Variants in CTNNA3 observed in about 807,000 individuals in gnomAD.
CTNNA3 encodes the protein catenin alpha-3.
In CTNNA3, 76 loss-of-function variants were observed where a neutral mutation model predicts 95.7. That is an observed-to-expected ratio of 0.79 (90% CI 0.66 to 0.96). The LOEUF (loss-of-function observed/expected upper bound fraction) is 0.96, where lower values mean the gene tolerates loss of function less well. CTNNA3 is among the 40% of genes least tolerant of loss of function. The pLI, the probability that CTNNA3 is intolerant of heterozygous loss-of-function variation, is 0.00. For missense variants in CTNNA3, 1,191 were observed against 1,089.8 expected (o/e 1.09, Z -1.31); for synonymous variants, 431 against 374.4 (o/e 1.15, Z -1.74).
chr10:66,414,627 A>G (rs528709165), intron 11 of CTNNA3, among the ~76,000 whole-genome samples: 5 of 152,270 alleles, frequency 3.3e-5, no homozygotes, highest in Non-Finnish European at 4.4e-5. Context: ...CTAAGCAACT[A>G]CAGCAAGATG....
chr10:66,241,044 G>T (rs1589825586), intron 13 of CTNNA3, among the ~76,000 whole-genome samples: 2 of 94,060 alleles, frequency 2.1e-5, no homozygotes, highest in South Asian at 8.4e-4. Flanking sequence ...ACATAAGAAT[G>T]AGAAACTCAG....
At chr10:66,273,040 C>T (rs1262286403) in intron 13 of CTNNA3, among the ~76,000 whole-genome samples, 1 of 152,152 alleles carries the variant, frequency 6.6e-6, no homozygotes, top group African/African-American at 2.4e-5. Context: ...TCCTTCTTTA[C>T]AACCCTACAG....
At chr10:67,247,145 A>G (rs1373529443) in intron 5 of CTNNA3, among the ~76,000 whole-genome samples, 5 of 152,226 alleles carry the variant, frequency 3.3e-5, no homozygotes. Flanking sequence ...CACTAGTTCT[A>G]GTCAAATAAT....
intron 7 of CTNNA3, among the ~76,000 whole-genome samples, chr10:66,793,473 CCAAT>C (rs1841060362): frequency 6.6e-6 from 1 of 151,976 alleles, no homozygotes; most frequent in Non-Finnish European, 1.5e-5. Flanking sequence ...AAACTGGCTT[CCAAT>C]ATTTTTTTTT....
Position 66,451,964 on chromosome 10 carries a change from C to T in CTNNA3, c.1531+68653G>A, listed in dbSNP as rs183077328. Among the ~76,000 whole-genome samples, 472 of 152,210 alleles carry T rather than the reference C, an allele frequency of 3.1e-3. 2 individuals are homozygous for T. The highest frequency in any genetic ancestry group is 0.011 in the African/African-American group (453 of 41,534). On this transcript the variant is annotated intron_variant, in intron 11 of 17. Transcript: ENST00000433211. The stretch of plus-strand genomic sequence containing the variant: ...AAATTTGAACTGCACTCACATCTCA[C>T]TCACTCTCATCTCATTTTCCCCAGC...
intron 2 of CTNNA3, among the ~76,000 whole-genome samples, chr10:67,620,138 C>G (rs776494654): frequency 2.6e-5 from 4 of 152,114 alleles, no homozygotes; most frequent in Admixed American, 2.6e-4. Context: ...GCTGGGACTT[C>G]GAATCTGAAG....
intron 9 of CTNNA3, among the ~76,000 whole-genome samples, chr10:66,663,068 C>T (rs375369671): frequency 6.6e-6 from 1 of 151,900 alleles, no homozygotes; most frequent in South Asian, 2.1e-4. Flanking sequence ...GCACATTCTT[C>T]GTCCTCACCT....
intron 9 of CTNNA3, among the ~76,000 whole-genome samples, chr10:66,692,109 CAG>C (rs1564622187): frequency 6.6e-6 from 1 of 151,428 alleles, no homozygotes; most frequent in African/African-American, 2.4e-5. Context: ...CAAAGCTGGA[CAG>C]AGAATGACTT....
intron 15 of CTNNA3, among the ~76,000 whole-genome samples, chr10:66,029,289 C>A (rs7081109): frequency 6.6e-6 from 1 of 151,966 alleles, no homozygotes; most frequent in Non-Finnish European, 1.5e-5. Flanking sequence ...GAAATGCTCC[C>A]CTGAAATAGA....
chr10:67,044,415 T>C (rs1376496803), intron 7 of CTNNA3, among the ~76,000 whole-genome samples: 1 of 151,964 alleles, frequency 6.6e-6, no homozygotes, highest in Non-Finnish European at 1.5e-5. Context: ...TGTCAAAAAT[T>C]AATAAAAACT....
chr10:67,728,235 C>T (rs964961503), intron 1 of CTNNA3, among the ~76,000 whole-genome samples: 2 of 148,656 alleles, frequency 1.3e-5, no homozygotes, highest in South Asian at 2.1e-4. Flanking sequence ...AGGAGGATCA[C>T]TTGATGTCAG....
At chr10:67,348,673 C>G (rs369311931) in intron 5 of CTNNA3, among the ~76,000 whole-genome samples, 3 of 152,066 alleles carry the variant, frequency 2.0e-5, no homozygotes, top group Admixed American at 6.6e-5. Context: ...AATGAGAACC[C>G]ACTTGTTACT....
chr10:67,685,455 A>G (rs528022487), intron 1 of CTNNA3, among the ~76,000 whole-genome samples: 1 of 152,320 alleles, frequency 6.6e-6, no homozygotes, highest in East Asian at 1.9e-4. Flanking sequence ...GCCCAGGAGG[A>G]ACCATCTATC....
intron 13 of CTNNA3, among the ~76,000 whole-genome samples, chr10:66,130,094 T>C (rs1264214397): frequency 2.0e-5 from 3 of 152,030 alleles, no homozygotes; most frequent in Non-Finnish European, 2.9e-5. Flanking sequence ...CACAGAACAG[T>C]GACCTGCCCC....
rs542667130 is a variant in CTNNA3, at chr10:66,733,024, G to C, written c.1281+33240C>G. On this transcript the variant is annotated intron_variant, in intron 9 of 17. Transcript: ENST00000433211. ...TTGAACTGGCTGGTCTTGAATTCCT[G>C]ATCTCAAGTGACCCTCCTGCCTCAG... Among the ~76,000 whole-genome samples, 246 of 152,090 alleles carry C rather than the reference G, an allele frequency of 1.6e-3. 1 individual carries two copies. Among genetic ancestry groups the C allele is most frequent in the African/African-American group, 5.6e-3 (231 of 41,506 alleles).
At chr10:66,051,889 G>A (rs1324947236) in intron 15 of CTNNA3, among the ~76,000 whole-genome samples, 2 of 152,090 alleles carry the variant, frequency 1.3e-5, no homozygotes, top group Non-Finnish European at 2.9e-5. Context: ...GGGAAACTCA[G>A]AAGTTATTTC....
chr10:65,985,269 A>C (rs924714234), intron 16 of CTNNA3, among the ~76,000 whole-genome samples: 1 of 151,042 alleles, frequency 6.6e-6, no homozygotes, highest in African/African-American at 2.4e-5. Flanking sequence ...AAAAATCCTC[A>C]TTTTTTTCCA....
Position 66,994,387 on chromosome 10 carries a change from G to C in CTNNA3, c.1047+185930C>G, listed in dbSNP as rs1851212246. Among the ~76,000 whole-genome samples the C allele has an allele frequency of 2.6e-5, 4 of 152,168 alleles. No homozygotes were observed. The South Asian group carries it at 8.3e-4, about 32-fold the overall frequency. On this transcript the variant is annotated intron_variant, in intron 7 of 17. Transcript: ENST00000433211. ...ATTAGGTACAGTGTGGAACAAATTAGCTCACTTAATAAATGGAATGAAGCT... is the reference window on the plus strand; with the variant it reads ...ATTAGGTACAGTGTGGAACAAATTACCTCACTTAATAAATGGAATGAAGCT...
chr10:67,457,288 AAC>A (rs1847209506), intron 5 of CTNNA3, among the ~76,000 whole-genome samples: 1 of 152,144 alleles, frequency 6.6e-6, no homozygotes, highest in East Asian at 1.9e-4. Context: ...AGCTAGGAAA[AAC>A]ACTAGAATGG....
Sources: allele counts gnomAD v4.1 joint callset (sites outside exome capture counted in the v4.1 genomes callset), GRCh38; gene constraint gnomAD v4.1.1; transcripts MANE v1.5; gene names NCBI Gene and HGNC (gene_info 2026-07-23, HGNC 2026-07-21).